Variants in NXPH1 observed in about 807,000 individuals in gnomAD.
The protein encoded by NXPH1 is neurexophilin 1.
NXPH1 carries 5 observed loss-of-function variants against 23.7 expected under a neutral mutation model. That is an observed-to-expected ratio of 0.21 (90% CI 0.11 to 0.44). The LOEUF (loss-of-function observed/expected upper bound fraction) is 0.44, where lower values mean the gene tolerates loss of function less well. Among genes scored for constraint, NXPH1 ranks in the 20% least tolerant of loss-of-function variants. The pLI is 0.99. For missense variants in NXPH1, 324 were observed against 321.6 expected, an observed-to-expected ratio of 1.01 and a Z score of -0.06; for synonymous variants, 144 against 122.2, an observed-to-expected ratio of 1.18 and a Z score of -1.18.
chr7:8,738,922 C>A (rs1474653261), intron 2 of NXPH1, among the ~76,000 whole-genome samples: 1 of 152,038 alleles, frequency 6.6e-6, no homozygotes, highest in Non-Finnish European at 1.5e-5. Flanking sequence ...TTTGTTTACA[C>A]TGTGAGGGGA....
chr7:8,534,762 G>A (rs1818002541), intron 2 of NXPH1, among the ~76,000 whole-genome samples: 1 of 151,996 alleles, frequency 6.6e-6, no homozygotes, highest in African/African-American at 2.4e-5. Flanking sequence ...GTGTCAGGTA[G>A]GCATTATCAC....
intron 2 of NXPH1, among the ~76,000 whole-genome samples, chr7:8,437,822 A>C (rs1816222400): frequency 6.6e-6 from 1 of 152,250 alleles, no homozygotes; most frequent in South Asian, 2.1e-4. Flanking sequence ...TACAGACTTC[A>C]TTACCTGAAT....
At position 8,751,648 on chromosome 7, in the gene NXPH1, C is replaced by G. The variant is rs749493668; in HGVS notation, c.695C>G (p.Ser232Cys). The G allele has an allele frequency of 6.2e-7, 1 of 1,613,388 alleles. No homozygotes were observed. Among genetic ancestry groups the G allele is most frequent in the South Asian group, 1.1e-5 (1 of 90,970 alleles). ...CAAAGTCATGTATCCTGGCTCTGCT[C>G]CAAGCCCTTTAAGGTGATCTGTATT... Reference protein sequence around the residue: ...QTQSHVSWLCSKPFKVICIYI... With the variant: ...QTQSHVSWLCCKPFKVICIYI... Residue 232 changes from serine to cysteine, a missense_variant, in exon 3 of 3, where the codon TCC becomes TGC. Ser to Cys is a moderately radical substitution (Grantham distance 112). Coordinates refer to ENST00000405863, the MANE Select transcript of NXPH1 (RefSeq NM_152745.3). The surrounding 1 kb of genome is among the most constrained non-coding windows in gnomAD (Gnocchi z 4.5).
chr7:8,463,049 A>C (rs993951347), intron 2 of NXPH1, among the ~76,000 whole-genome samples: 7 of 152,192 alleles, frequency 4.6e-5, no homozygotes, highest in African/African-American at 1.7e-4. Context: ...AGCCCAGAAA[A>C]TTCTTTACTT....
chr7:8,736,076 C>A (rs182324191), intron 2 of NXPH1, among the ~76,000 whole-genome samples: 8 of 152,114 alleles, frequency 5.3e-5, no homozygotes, highest in Admixed American at 1.3e-4. Context: ...TTTCAAAAAA[C>A]CAACTCCTGG....
At chr7:8,700,426 C>T (rs770140863) in intron 2 of NXPH1, among the ~76,000 whole-genome samples, 3 of 151,978 alleles carry the variant, frequency 2.0e-5, no homozygotes, top group Non-Finnish European at 4.4e-5. Context: ...GCTTCTTAGA[C>T]AGTTCCTGTA....
At chr7:8,664,005 CT>C (rs1489215487) in intron 2 of NXPH1, among the ~76,000 whole-genome samples, 1 of 152,038 alleles carries the variant, frequency 6.6e-6, no homozygotes, top group Non-Finnish European at 1.5e-5. Context: ...ATTTTCTTCT[CT>C]TTGTCTCCCA....
chr7:8,615,070 GCCTCATTACAATTTCAAA>G (rs1320338115), intron 2 of NXPH1, among the ~76,000 whole-genome samples: 1 of 151,832 alleles, frequency 6.6e-6, no homozygotes, highest in Non-Finnish European at 1.5e-5. Context: ...TACTTGTTGT[GCCTCATTACAATTTCAAA>G]TGAAACTGTA....
rs575165645 is a variant in NXPH1, at chr7:8,599,874, C to G, written c.55-151134C>G. 2.7e-5 allele frequency among the ~76,000 whole-genome samples: 4 copies of G among 148,660 alleles called. No homozygotes were observed. The South Asian group carries it at 8.5e-4, about 31-fold the overall frequency. Reference sequence around the variant, plus strand: ...GTTTAGTAGCAAATATAATTTTCATCTTTAGTCATTATTTATGTATCTTTC... The same window carrying G: ...GTTTAGTAGCAAATATAATTTTCATGTTTAGTCATTATTTATGTATCTTTC... On this transcript the variant is annotated intron_variant, in intron 2 of 2. Transcript: ENST00000405863.
intron 2 of NXPH1, among the ~76,000 whole-genome samples, chr7:8,515,663 G>A (rs931023467): frequency 6.6e-6 from 1 of 152,058 alleles, no homozygotes; most frequent in Non-Finnish European, 1.5e-5. Flanking sequence ...GTGTTCTAAA[G>A]GGCTGTAAAT....
At position 8,461,856 on chromosome 7, in the gene NXPH1, A is replaced by AAAAAG. The variant is rs1816702836; in HGVS notation, c.54+26091_54+26092insAAGAA. Among the ~76,000 whole-genome samples, 5 of 150,830 alleles carry AAAAAG rather than the reference A, an allele frequency of 3.3e-5. No homozygotes were observed. In the South Asian group the frequency reaches 1.0e-3, roughly 32 times the overall value. The stretch of plus-strand genomic sequence containing the variant: ...CGTCTCAAAAAAAAAAAAAAAGAAT[A>AAAAAG]AACACACAAGTGCATACATGCACAC... On this transcript the variant is annotated intron_variant, in intron 2 of 2. Transcript: ENST00000405863.
chr7:8,614,729 CTA>C (rs1171021882), intron 2 of NXPH1, among the ~76,000 whole-genome samples: 1 of 151,864 alleles, frequency 6.6e-6, no homozygotes, highest in African/African-American at 2.4e-5. Context: ...TTTAGAAACT[CTA>C]TGTTTGATTA....
At chr7:8,748,651 C>T (rs534794834) in intron 2 of NXPH1, among the ~76,000 whole-genome samples, 1 of 152,282 alleles carries the variant, frequency 6.6e-6, no homozygotes, top group Admixed American at 6.5e-5. Flanking sequence ...ATTGCTATTG[C>T]CTTGGGGATC....
At chr7:8,488,835 T>A (rs1234273262) in intron 2 of NXPH1, among the ~76,000 whole-genome samples, 1 of 152,166 alleles carries the variant, frequency 6.6e-6, no homozygotes, top group Non-Finnish European at 1.5e-5. Context: ...TGGAAGATAG[T>A]AAGAGCTCAA....
At chr7:8,441,622 G>T (rs957863550) in intron 2 of NXPH1, among the ~76,000 whole-genome samples, 2 of 152,196 alleles carry the variant, frequency 1.3e-5, no homozygotes, top group Non-Finnish European at 2.9e-5. Flanking sequence ...GGCTCTGTCA[G>T]CTCGAGATGA....
intron 2 of NXPH1, among the ~76,000 whole-genome samples, chr7:8,686,088 A>G (rs748431256): frequency 6.6e-6 from 1 of 152,144 alleles, no homozygotes; most frequent in Non-Finnish European, 1.5e-5. Flanking sequence ...TGAAAAATGT[A>G]TTCTTTATCC....
At chr7:8,688,019 A>T (rs1821173412) in intron 2 of NXPH1, among the ~76,000 whole-genome samples, 1 of 152,168 alleles carries the variant, frequency 6.6e-6, no homozygotes, top group African/African-American at 2.4e-5. Flanking sequence ...ATGCCAAGAA[A>T]TGTAAAGATT....
At chr7:8,568,945 T>C (rs966217157) in intron 2 of NXPH1, among the ~76,000 whole-genome samples, 5 of 151,868 alleles carry the variant, frequency 3.3e-5, no homozygotes, top group Non-Finnish European at 7.4e-5. Context: ...AGTTAACAAA[T>C]GCAAGGGGAT....
chr7:8,678,800 TTTTG>T (rs1416541417), intron 2 of NXPH1, among the ~76,000 whole-genome samples: 1 of 152,068 alleles, frequency 6.6e-6, no homozygotes, highest in Non-Finnish European at 1.5e-5. Flanking sequence ...CTTGTTGTTA[TTTTG>T]TTTATGTAGA....
Sources: allele counts gnomAD v4.1 joint callset (sites outside exome capture counted in the v4.1 genomes callset), GRCh38; gene constraint gnomAD v4.1.1; non-coding constraint Gnocchi (gnomAD v3.1); transcripts MANE v1.5; gene names NCBI Gene and HGNC (gene_info 2026-07-23, HGNC 2026-07-21).